MCC: variants seen among roughly 807,000 people sequenced by gnomAD.
The protein encoded by MCC is MCC regulator of Wnt signaling pathway.
In MCC, 90 loss-of-function variants were observed where a neutral mutation model predicts 116.2. The ratio of observed to expected loss-of-function variants is 0.77; its 90% CI spans 0.65 to 0.92. The LOEUF (loss-of-function observed/expected upper bound fraction) is 0.92, where lower values mean the gene tolerates loss of function less well. MCC is among the 40% of genes least tolerant of loss of function. The pLI, the probability that MCC is intolerant of heterozygous loss-of-function variation, is 0.00. For synonymous variants in MCC, 578 were observed against 510.5 expected (o/e 1.13, Z -1.78); for missense variants, 1,516 against 1,312.2 (o/e 1.16, Z -2.40).
chr5:113,148,688 T>C (rs568394676), intron 4 of MCC, among the ~76,000 whole-genome samples: 1 of 152,334 alleles, frequency 6.6e-6, no homozygotes, highest in South Asian at 2.1e-4. Flanking sequence ...TATATTTTTC[T>C]TGCATAAATT....
At chr5:113,057,306 C>A (rs578084293) in intron 14 of MCC, among the ~76,000 whole-genome samples, 1 of 152,230 alleles carries the variant, frequency 6.6e-6, no homozygotes, top group African/African-American at 2.4e-5. Flanking sequence ...ATTGTTACAA[C>A]AGGATCCATC....
chr5:113,285,429 G>A (rs912271513), intron 3 of MCC, among the ~76,000 whole-genome samples: 10 of 146,330 alleles, frequency 6.8e-5, no homozygotes, highest in African/African-American at 7.6e-5. Flanking sequence ...GGGAGATCCA[G>A]ATACTCTTCC....
chr5:113,382,129 GAC>G (rs1319254902), intron 2 of MCC, among the ~76,000 whole-genome samples: 6 of 152,282 alleles, frequency 3.9e-5, no homozygotes, highest in Admixed American at 2.0e-4. Flanking sequence ...TACTAATGGG[GAC>G]ACAAAGTCAA....
chr5:113,315,648 G>A (rs1400164559), intron 3 of MCC, among the ~76,000 whole-genome samples: 1 of 142,120 alleles, frequency 7.0e-6, no homozygotes, highest in Non-Finnish European at 1.5e-5. Context: ...GAGGAGGATT[G>A]CTTGAGCCCA....
intron 3 of MCC, among the ~76,000 whole-genome samples, chr5:113,324,196 C>T (rs980350694): frequency 2.6e-5 from 4 of 152,042 alleles, no homozygotes; most frequent in African/African-American, 7.2e-5. Context: ...CTGAACCTCA[C>T]CAAATCCAAT....
intron 3 of MCC, among the ~76,000 whole-genome samples, chr5:113,195,382 T>A (rs977366002): frequency 6.6e-6 from 1 of 152,152 alleles, no homozygotes; most frequent in African/African-American, 2.4e-5. Flanking sequence ...CAATTTGGTC[T>A]CAACCAGATA....
At chr5:113,166,240 C>CTTTTG (rs1760759916) in intron 3 of MCC, among the ~76,000 whole-genome samples, 1 of 152,050 alleles carries the variant, frequency 6.6e-6, no homozygotes, top group Non-Finnish European at 1.5e-5. Context: ...GATACATTTC[C>CTTTTG]AACCTAGATA....
At chr5:113,182,010 C>A (rs1761654878) in intron 3 of MCC, among the ~76,000 whole-genome samples, 3 of 152,150 alleles carry the variant, frequency 2.0e-5, no homozygotes, top group Admixed American at 2.0e-4. Context: ...GATGTGCTAA[C>A]ATGGAGGAGA....
chr5:113,301,930 C>A (rs1766872198), intron 3 of MCC, among the ~76,000 whole-genome samples: 1 of 152,184 alleles, frequency 6.6e-6, no homozygotes, highest in South Asian at 2.1e-4. Flanking sequence ...CACAGGAAGA[C>A]TTTCTGCAGG....
intron 3 of MCC, among the ~76,000 whole-genome samples, chr5:113,301,068 G>A (rs1390174153): frequency 6.6e-6 from 1 of 152,206 alleles, no homozygotes; most frequent in Non-Finnish European, 1.5e-5. Context: ...GCTAGATATT[G>A]TCCTGCATGT....
intron 3 of MCC, among the ~76,000 whole-genome samples, chr5:113,288,860 T>G (rs1766365089): frequency 6.6e-6 from 1 of 152,182 alleles, no homozygotes; most frequent in African/African-American, 2.4e-5. Flanking sequence ...ATGCCATAAT[T>G]TCTAAACCTG....
intron 3 of MCC, among the ~76,000 whole-genome samples, chr5:113,189,149 C>T (rs1478090122): frequency 6.6e-6 from 1 of 152,170 alleles, no homozygotes; most frequent in Non-Finnish European, 1.5e-5. Flanking sequence ...ACAAAATAAT[C>T]CAATGGGTGC....
chr5:113,121,556 C>T (rs1365667904), intron 6 of MCC, among the ~76,000 whole-genome samples: 2 of 152,150 alleles, frequency 1.3e-5, no homozygotes, highest in Non-Finnish European at 2.9e-5. Flanking sequence ...AAACGCCTTC[C>T]TAGAGGAAGC....
intron 1 of MCC, among the ~76,000 whole-genome samples, chr5:113,457,900 T>C (rs1463513664): frequency 1.3e-5 from 2 of 151,910 alleles, no homozygotes; most frequent in Non-Finnish European, 2.9e-5. Flanking sequence ...GGTTTGTGAA[T>C]GCACCAATCG....
intron 1 of MCC, among the ~76,000 whole-genome samples, chr5:113,394,903 G>A (rs1403947370): frequency 6.6e-6 from 1 of 152,150 alleles, no homozygotes; most frequent in African/African-American, 2.4e-5. Context: ...AACAGAGCAT[G>A]CCCATTTATC....
At chr5:113,454,352 G>A (rs772458905) in intron 1 of MCC, among the ~76,000 whole-genome samples, 2 of 152,032 alleles carry the variant, frequency 1.3e-5, no homozygotes, top group Non-Finnish European at 2.9e-5. Flanking sequence ...TGATCCTCCC[G>A]CCTTGGCCTC....
Position 113,024,254 on chromosome 5 carries a change from G to A in MCC, c.*3048C>T, listed in dbSNP as rs1410553839. ...TAGTTAAACATAACATTTGTTTCAG[G>A]CAGCATGGATATTAACTTCAGAACG... On this transcript the variant is annotated 3_prime_UTR_variant, in exon 19 of 19. Transcript: ENST00000408903. The A allele has an allele frequency of 6.6e-6, 1 of 152,184 alleles. No individual in the cohort carries two copies. Among genetic ancestry groups the A allele is most frequent in the Non-Finnish European group, 1.5e-5 (1 of 68,038 alleles). The allele number at this position is 152,184 out of a possible 1,614,324, so 9.4% of individuals were successfully genotyped here.
chr5:113,058,158 T>C (rs900940077), intron 14 of MCC, among the ~76,000 whole-genome samples: 2 of 152,236 alleles, frequency 1.3e-5, no homozygotes, highest in Non-Finnish European at 2.9e-5. Context: ...GACTACTTTT[T>C]GGGAAATATA....
chr5:113,234,984 T>A (rs1202864805), intron 3 of MCC, among the ~76,000 whole-genome samples: 1 of 152,220 alleles, frequency 6.6e-6, no homozygotes, highest in African/African-American at 2.4e-5. Flanking sequence ...ACCTCAGTCT[T>A]CTGGCAAACT....
Sources: gnomAD v4.1 joint callset for allele counts (sites outside exome capture counted in the v4.1 genomes callset) on GRCh38, gnomAD v4.1.1 for gene constraint, MANE v1.5 for transcripts, NCBI Gene and HGNC (gene_info 2026-07-23, HGNC 2026-07-21) for gene names.